The following SLIT1 variants were observed in gnomAD, a reference collection of about 807,000 sequenced individuals.
SLIT1 encodes the protein slit guidance ligand 1.
Under a neutral mutation model 186.1 loss-of-function variants are expected in SLIT1, and 66 were observed. The observed-to-expected ratio is 0.35, with a 90% CI of 0.29 to 0.44. SLIT1 has a LOEUF of 0.44. Ranked by LOEUF, SLIT1 falls within the 20% of genes least tolerant of loss-of-function variation. SLIT1 has a pLI of 1.00. For missense variants in SLIT1, 1,638 were observed against 2,037.4 expected, an observed-to-expected ratio of 0.80 and a Z score of 3.77; for synonymous variants, 761 against 833.8, an observed-to-expected ratio of 0.91 and a Z score of 1.50.
At chr10:97,172,856 T>C (rs1415343451) in intron 1 of SLIT1, among the ~76,000 whole-genome samples, 1 of 151,492 alleles carries the variant, frequency 6.6e-6, no homozygotes, top group Non-Finnish European at 1.5e-5. Flanking sequence ...ATTGCACCAC[T>C]GTACTACAGC....
chr10:97,088,078 C>G (rs1388268735), intron 4 of SLIT1, among the ~76,000 whole-genome samples: 1 of 152,136 alleles, frequency 6.6e-6, no homozygotes, highest in African/African-American at 2.4e-5. Flanking sequence ...CTGGAACTAT[C>G]TGGGAAACTT....
chr10:97,034,765 A>G (rs1848623396), intron 22 of SLIT1, among the ~76,000 whole-genome samples: 1 of 152,000 alleles, frequency 6.6e-6, no homozygotes, highest in Non-Finnish European at 1.5e-5. Context: ...TGGTGCCTCC[A>G]TTTCCTGACC....
At chr10:97,025,506 C>A (rs540508053) in intron 25 of SLIT1, among the ~76,000 whole-genome samples, 3 of 152,116 alleles carry the variant, frequency 2.0e-5, no homozygotes, top group Non-Finnish European at 4.4e-5. Flanking sequence ...GCCCTCTCTT[C>A]GGTAGTACTT....
chr10:97,145,495 G>A (rs1480358004), intron 4 of SLIT1, among the ~76,000 whole-genome samples: 1 of 152,078 alleles, frequency 6.6e-6, no homozygotes, highest in Admixed American at 6.5e-5. Flanking sequence ...CTCTGGTCAG[G>A]CACAATTCTG....
At chr10:97,129,804 G>A (rs1589404572) in intron 4 of SLIT1, among the ~76,000 whole-genome samples, 1 of 152,118 alleles carries the variant, frequency 6.6e-6, no homozygotes, top group East Asian at 1.9e-4. Context: ...AAAACAATGT[G>A]GACACAGCCC....
intron 4 of SLIT1, among the ~76,000 whole-genome samples, chr10:97,117,968 A>G (rs1447523937): frequency 6.6e-6 from 1 of 152,240 alleles, no homozygotes; most frequent in African/African-American, 2.4e-5. Context: ...CTCAATAAGA[A>G]GGTCAGGGGT....
chr10:97,148,968 C>T (rs1255449379), intron 4 of SLIT1, among the ~76,000 whole-genome samples: 1 of 152,194 alleles, frequency 6.6e-6, no homozygotes, highest in Non-Finnish European at 1.5e-5. Flanking sequence ...GCTTTTCATG[C>T]CTTTGAGCCC....
intron 1 of SLIT1, among the ~76,000 whole-genome samples, chr10:97,178,739 G>GA (rs948939313): frequency 2.6e-5 from 4 of 151,698 alleles, no homozygotes; most frequent in South Asian, 2.1e-4. Flanking sequence ...AAAAGGTTCA[G>GA]AAAAAAAATT....
chr10:97,034,394 A>G, intron 23 of SLIT1, 77 bp downstream of exon 23: 3 of 1,093,086 alleles, frequency 2.7e-6, no homozygotes, highest in Admixed American at 3.4e-5. Context: ...CTGGGAGCAA[A>G]AAGCACAGGC....
intron 32 of SLIT1, among the ~76,000 whole-genome samples, chr10:97,005,602 T>A (rs1411917229): frequency 6.6e-6 from 1 of 152,234 alleles, no homozygotes; most frequent in African/African-American, 2.4e-5. Context: ...AGAGCCTTTG[T>A]AAATCAATGT....
intron 1 of SLIT1, among the ~76,000 whole-genome samples, chr10:97,180,893 AT>A (rs1372248984): frequency 1.3e-5 from 2 of 152,200 alleles, no homozygotes; most frequent in African/African-American, 4.8e-5. Context: ...TAATATCCTA[AT>A]GATTGAATCA....
chr10:96,999,009 G>A lies in SLIT1; in HGVS notation c.*2103C>T, dbSNP rs1174982071. ...AGGAAAGCTATCTTTCTCAGGGTTG[G>A]TGAGTCCCAGAGCACCTTTCTTCCA... is the stretch of plus-strand genomic sequence containing the variant. On this transcript the variant is annotated 3_prime_UTR_variant, in exon 37 of 37. Coordinates refer to ENST00000266058, the MANE Select transcript of SLIT1 (RefSeq NM_003061.3). 1 of 152,338 alleles carries A rather than the reference G, an allele frequency of 6.6e-6. No homozygotes were observed. Among genetic ancestry groups the A allele is most frequent in the African/African-American group, 2.4e-5 (1 of 41,466 alleles). 9.4% of individuals were successfully genotyped at this position (152,338 alleles called of 1,614,324 possible). A position where few individuals can be genotyped will look rare whatever the true frequency, so the allele number is the denominator to read the frequency against.
At position 97,056,391 on chromosome 10, in the gene SLIT1, A is replaced by T; in HGVS notation, c.1231T>A (p.Ser411Thr). ...FQDLQNLSLLSLYDNKIQSLA... is the reference protein window; with the variant it reads ...FQDLQNLSLLTLYDNKIQSLA... ...CTCTGGATCTTGTTGTCATACAGGG[A>T]GAGCAGTGAGAGGTTCTGCAGGTCC... The change falls in exon 13 of 37, where the codon TCC becomes ACC. Residue 411 changes from serine to threonine, a missense_variant. Coordinates refer to ENST00000266058, the MANE Select transcript of SLIT1 (RefSeq NM_003061.3). The T allele has an allele frequency of 6.2e-7, 1 of 1,614,138 alleles. No homozygotes were observed.
chr10:97,157,949 T>C, intron 3 of SLIT1, 60 bp from the exon 4 acceptor site: 2 of 1,261,194 alleles, frequency 1.6e-6, no homozygotes, highest in Non-Finnish European at 2.3e-6. Flanking sequence ...AAAGGACTTC[T>C]CAGAAAGCAC....
intron 22 of SLIT1, 103 bp from the exon 23 acceptor site, chr10:97,034,645 A>G: frequency 9.3e-7 from 1 of 1,080,766 alleles, no homozygotes. Context: ...GCCATTCCCC[A>G]GCCAGGTTGG....
At chr10:97,109,950 T>C (rs1849450047) in intron 4 of SLIT1, among the ~76,000 whole-genome samples, 1 of 152,202 alleles carries the variant, frequency 6.6e-6, no homozygotes, top group Non-Finnish European at 1.5e-5. Context: ...AGTTTACTCA[T>C]ATACCACACC....
At chr10:97,116,777 G>C (rs1468863216) in intron 4 of SLIT1, among the ~76,000 whole-genome samples, 1 of 152,200 alleles carries the variant, frequency 6.6e-6, no homozygotes, top group Non-Finnish European at 1.5e-5. Flanking sequence ...GAGCATCTGG[G>C]CTTCCTCTGT....
chr10:97,157,617 C>T, intron 4 of SLIT1: 1 of 590,560 alleles, frequency 1.7e-6, no homozygotes, highest in Non-Finnish European at 3.0e-6. Flanking sequence ...CTTCCAAGTG[C>T]TTGCCATGGA....
intron 4 of SLIT1, among the ~76,000 whole-genome samples, chr10:97,105,870 C>T (rs1849409185): frequency 6.6e-6 from 1 of 152,220 alleles, no homozygotes; most frequent in African/African-American, 2.4e-5. Flanking sequence ...CAACCATACC[C>T]GGAATCTGGT....
Sources: allele counts gnomAD v4.1 joint callset (sites outside exome capture counted in the v4.1 genomes callset), GRCh38; gene constraint gnomAD v4.1.1; transcripts MANE v1.5; gene names NCBI Gene and HGNC (gene_info 2026-07-23, HGNC 2026-07-21).